MYPN: variants seen among roughly 807,000 people sequenced by gnomAD.
The protein encoded by MYPN is myopalladin, also known as sarcomeric protein myopalladin, 145 kDa (MYOP).
MYPN carries 63 observed loss-of-function variants against 129.4 expected under a neutral mutation model. The observed-to-expected ratio is 0.49, with a 90% CI of 0.40 to 0.60. The LOEUF (loss-of-function observed/expected upper bound fraction) is 0.60, where lower values mean the gene tolerates loss of function less well. MYPN is among the 20% of genes least tolerant of loss of function. The pLI is 0.00. For synonymous variants in MYPN, 629 were observed against 600.9 expected (o/e 1.05, Z -0.68); for missense variants, 1,596 against 1,635.4 (o/e 0.98, Z 0.42).
chr10:68,106,846 A>G (rs769361667), upstream of MYPN: 8 of 715,446 alleles, frequency 1.1e-5, no homozygotes, highest in South Asian at 4.4e-5. Flanking sequence ...TTAAGAAAAC[A>G]GCTGAAGGCA....
At chr10:68,117,572 G>A (rs1371302039) in intron 1 of MYPN, among the ~76,000 whole-genome samples, 10 of 152,070 alleles carry the variant, frequency 6.6e-5, no homozygotes, top group Admixed American at 6.6e-4. Flanking sequence ...GGCACAGGAA[G>A]CAGTCCAAGC....
rs1464032448 is a variant in MYPN at position 68,174,470 on chromosome 10, C to T, written c.2378C>T (p.Thr793Ile). The T allele has an allele frequency of 1.2e-6, 2 of 1,614,000 alleles. No homozygotes were observed. Among genetic ancestry groups the T allele is most frequent in the Admixed American group, 1.7e-5 (1 of 60,004 alleles). Reference sequence around the variant, plus strand: ...CTCCCACCAGGCCCAACAGAACCAACACCACCACCATTCACATTTTCCATC... The same window carrying T: ...CTCCCACCAGGCCCAACAGAACCAATACCACCACCATTCACATTTTCCATC... The part of the protein sequence containing the change: ...EPLPPGPTEP[T>I]PPPFTFSIPS... The change falls in exon 11 of 20, where the codon ACA becomes ATA. Residue 793 changes from threonine (T) to isoleucine (I), a missense_variant. Coordinates refer to ENST00000358913, the MANE Select transcript of MYPN (RefSeq NM_032578.4).
At position 68,156,137 on chromosome 10, in the gene MYPN, T is replaced by A. The variant is rs1050264730; in HGVS notation, c.1318-2349T>A. Among the ~76,000 whole-genome samples the A allele has an allele frequency of 2.0e-5, 3 of 152,216 alleles. No individual in the cohort carries two copies. The South Asian group carries it at 6.2e-4, about 32-fold the overall frequency. On this transcript the variant is annotated intron_variant, in intron 6 of 19. Transcript: ENST00000358913. Reference sequence around the variant, plus strand: ...TAGATTGACCTCATTCTACTGTGAATGTACTGTTTCATTTACTCAACCCCT... The same window carrying A: ...TAGATTGACCTCATTCTACTGTGAAAGTACTGTTTCATTTACTCAACCCCT...
chr10:68,105,841 T>C (rs1010907664), upstream of MYPN, among the ~76,000 whole-genome samples: 1 of 152,246 alleles, frequency 6.6e-6, no homozygotes, highest in African/African-American at 2.4e-5. Context: ...TTCCATATGC[T>C]TTATTCTTGA....
rs554397452 is a variant in MYPN, at chr10:68,188,663, T to C, written c.2704-242T>C. Among the ~76,000 whole-genome samples, 7 of 152,316 alleles carry C rather than the reference T, an allele frequency of 4.6e-5. No individual in the cohort carries two copies. The South Asian group carries it at 6.2e-4, about 14-fold the overall frequency. ...CATTCCATTTCCTACAGAATTCTCC[T>C]GGGGCTGCATGCTCAGGTGGAAAAT... On this transcript the variant is annotated intron_variant, in intron 12 of 19. Transcript: ENST00000358913.
intron 6 of MYPN, among the ~76,000 whole-genome samples, chr10:68,154,183 A>G (rs1193524250): frequency 2.0e-5 from 3 of 152,180 alleles, no homozygotes; most frequent in African/African-American, 7.2e-5. Flanking sequence ...TCTACGCAGT[A>G]TCAAAAAAAC....
rs746900989 is a variant in MYPN, at chr10:68,201,983, A to T, written c.3648A>T (p.Arg1216Ser). The T allele has an allele frequency of 6.2e-7, 1 of 1,614,024 alleles. No homozygotes were observed. Among genetic ancestry groups the T allele is most frequent in the South Asian group, 1.1e-5 (1 of 91,074 alleles). The change falls in exon 18 of 20, where the codon AGA becomes AGT. Residue 1216 changes from arginine (R) to serine (S), a missense_variant. Physicochemically the swap from Arg to Ser is moderately radical, Grantham distance 110. Transcript: ENST00000358913. ...ACAATGAGACCATCCCTTGCACCAG[A>T]GAGAGGATCAGGTACAGCAGCCACC... ...KKDNETIPCT[R>S]ERISMHQDTT...
intron 2 of MYPN, chr10:68,136,518 A>G (rs1383634889): frequency 1.4e-6 from 2 of 1,392,356 alleles, no homozygotes; most frequent in Admixed American, 6.0e-5. Context: ...ATACCTTTTC[A>G]GAAGCCAGCC....
At chr10:68,135,042 C>T (rs1589541980) in intron 2 of MYPN, among the ~76,000 whole-genome samples, 1 of 152,018 alleles carries the variant, frequency 6.6e-6, no homozygotes, top group East Asian at 1.9e-4. Flanking sequence ...ACCTTTGTCT[C>T]CTGGGTTCAA....
At chr10:68,160,525 C>T (rs1195323556) in intron 7 of MYPN, among the ~76,000 whole-genome samples, 1 of 149,228 alleles carries the variant, frequency 6.7e-6, no homozygotes, top group Non-Finnish European at 1.5e-5. Flanking sequence ...TCAACAACTA[C>T]TTTTTGAGTG....
At chr10:68,101,083 T>G (rs2041979599) in intron 1 of MYPN, among the ~76,000 whole-genome samples, 1 of 152,206 alleles carries the variant, frequency 6.6e-6, no homozygotes, top group Non-Finnish European at 1.5e-5. Context: ...GTGCCTACTT[T>G]GTGTCATGCC....
intron 12 of MYPN, among the ~76,000 whole-genome samples, chr10:68,176,707 A>T (rs1469930442): frequency 6.6e-6 from 1 of 152,162 alleles, no homozygotes; most frequent in African/African-American, 2.4e-5. Context: ...TATTTCACCA[A>T]ATTTCATCTA....
Position 68,189,114 on chromosome 10 carries a change from A to G in MYPN, c.2913A>G (p.Ile971Met). Residue 971 changes from isoleucine (I) to methionine (M), a missense_variant, in exon 13 of 20, where the codon ATA becomes ATG. By Grantham distance (10) the Ile-to-Met change is conservative. Coordinates refer to ENST00000358913, the MANE Select transcript of MYPN (RefSeq NM_032578.4). ...CATTCACCTGCAAAATTGTTGGGAT[A>G]CCTGTTCCAAAGGTAGGGAAGATGA... ...PVTFTCKIVG[I>M]PVPKVYWFKD... 2 of 1,613,892 alleles carry G rather than the reference A, an allele frequency of 1.2e-6. No homozygotes were observed. The highest frequency in any genetic ancestry group is 8.5e-7 in the Non-Finnish European group (1 of 1,179,818).
intron 1 of MYPN, 87 bp from the exon 2 acceptor site, chr10:68,121,351 C>T: frequency 8.9e-7 from 1 of 1,128,592 alleles, no homozygotes; most frequent in South Asian, 1.6e-5. Flanking sequence ...GCTTTAATTT[C>T]TAACGAGTCT....
intron 6 of MYPN, among the ~76,000 whole-genome samples, chr10:68,157,492 A>G (rs2042895544): frequency 6.6e-6 from 1 of 151,918 alleles, no homozygotes; most frequent in Non-Finnish European, 1.5e-5. Context: ...GCAAATTTAA[A>G]TATTATTATT....
intron 6 of MYPN, among the ~76,000 whole-genome samples, chr10:68,150,315 T>C (rs902834446): frequency 2.0e-4 from 30 of 152,318 alleles, no homozygotes; most frequent in African/African-American, 6.3e-4. Context: ...GAGAAATGTC[T>C]TTCCCTCTTA....
rs534276518 is a variant in MYPN at position 68,148,144 on chromosome 10, A to G, written c.1131-209A>G. On this transcript the variant is annotated intron_variant, in intron 4 of 19. Coordinates refer to ENST00000358913, the MANE Select transcript of MYPN (RefSeq NM_032578.4). ...ACACTGAGAACAACGGCCCAAGGAC[A>G]GGAATGGTGTCTTATGCATTTTCGT... Among the ~76,000 whole-genome samples the G allele has an allele frequency of 5.9e-5, 9 of 152,336 alleles. No individual in the cohort carries two copies. The East Asian group carries it at 1.2e-3, about 20-fold the overall frequency.
intron 13 of MYPN, among the ~76,000 whole-genome samples, chr10:68,192,355 A>C (rs2043528414): frequency 6.6e-6 from 1 of 152,182 alleles, no homozygotes; most frequent in South Asian, 2.1e-4. Context: ...ATCACACTTG[A>C]TCATGATAAA....
chr10:68,173,578 ATTTATTTATTT>A (rs2043175703), intron 10 of MYPN, among the ~76,000 whole-genome samples: 1 of 35,498 alleles, frequency 2.8e-5, no homozygotes, highest in Non-Finnish European at 5.1e-5. Flanking sequence ...AAGTTATTTT[ATTTATTTATTT>A]ATTTATTTAT....
Sources: allele counts gnomAD v4.1 joint callset (sites outside exome capture counted in the v4.1 genomes callset), GRCh38; gene constraint gnomAD v4.1.1; transcripts MANE v1.5; gene names NCBI Gene and HGNC (gene_info 2026-07-23, HGNC 2026-07-21).